Variants in KLK13 observed in about 807,000 individuals in gnomAD.
KLK13 encodes the protein kallikrein related peptidase 13.
In KLK13, 19 loss-of-function variants were observed where a neutral mutation model predicts 22.4. The observed-to-expected ratio is 0.85, with a 90% CI of 0.59 to 1.24. The LOEUF is 1.24. Among genes scored for constraint, KLK13 ranks in the 50% most tolerant of loss-of-function variants. The probability of loss-of-function intolerance (pLI) is 0.00; values close to 1 mark genes in which losing one functional copy is unlikely to be tolerated. For missense variants in KLK13, 311 were observed against 347.9 expected, an observed-to-expected ratio of 0.89 and a Z score of 0.84; for synonymous variants, 156 against 141.8, an observed-to-expected ratio of 1.10 and a Z score of -0.71.
chr19:51,060,166 T>G, intron 2 of KLK13, 73 bp from the exon 3 acceptor site: 1 of 1,557,852 alleles, frequency 6.4e-7, no homozygotes, highest in Non-Finnish European at 8.7e-7. Flanking sequence ...CCCCAACCTC[T>G]TCCCATCCCC....
Position 51,056,064 on chromosome 19 carries a change from A to T in KLK13, c.*523T>A, listed in dbSNP as rs978239577. ...GTGGTGAGTCACAGAGGTACACAGA[A>T]TGTTGTCAGGGCAGAAGATTGTGGG... On this transcript the variant is annotated 3_prime_UTR_variant, in exon 5 of 5. Coordinates refer to ENST00000595793, the MANE Select transcript of KLK13 (RefSeq NM_015596.3). 1 of 152,704 alleles carries T rather than the reference A, an allele frequency of 6.5e-6. No individual in the cohort carries two copies. Among genetic ancestry groups the T allele is most frequent in the African/African-American group, 2.4e-5 (1 of 41,452 alleles). 9.5% of individuals were successfully genotyped at this position (152,704 alleles called of 1,614,324 possible). A position where few individuals can be genotyped will look rare whatever the true frequency, so the allele number is the denominator to read the frequency against.
intron 3 of KLK13, 22 bp from the exon 4 acceptor site, chr19:51,058,696 T>A: frequency 6.2e-7 from 1 of 1,613,702 alleles, no homozygotes; most frequent in Non-Finnish European, 8.5e-7. Context: ...AAAGAGAAGG[T>A]CTAAGGTATC....
chr19:51,063,487 T>A (rs2091748300), intron 1 of KLK13: 1 of 353,788 alleles, frequency 2.8e-6, no homozygotes, highest in Admixed American at 3.8e-5. Flanking sequence ...TGATTAGGAT[T>A]CTGACTCAGG....
At position 51,063,146 on chromosome 19, in the gene KLK13, T is replaced by C. The variant is rs2091745833; in HGVS notation, c.52+1870A>G. On this transcript the variant is annotated intron_variant, in intron 1 of 4. Transcript: ENST00000595793. ...TCAAAGCCAGGAGGACACAGAAGCCTCATCAGGCCACCTAACATTTATTAC... is the reference window on the plus strand; with the variant it reads ...TCAAAGCCAGGAGGACACAGAAGCCCCATCAGGCCACCTAACATTTATTAC... 2.0e-5 allele frequency among the ~76,000 whole-genome samples: 3 copies of C among 152,178 alleles called. No individual in the cohort carries two copies. In the South Asian group the frequency reaches 6.2e-4, roughly 32 times the overall value.
chr19:51,063,614 G>C (rs1413726938), intron 1 of KLK13: 1 of 456,444 alleles, frequency 2.2e-6, no homozygotes, highest in South Asian at 1.5e-5. Context: ...ACTCCACAAG[G>C]CGTAGCGTGT....
At chr19:51,063,474 C>T in intron 1 of KLK13, 1 of 348,608 alleles carries the variant, frequency 2.9e-6, no homozygotes, top group South Asian at 2.2e-5. Flanking sequence ...GGGAAAACAA[C>T]CTTGATTAGG....
chr19:51,057,361 G>T (rs912532191), intron 4 of KLK13, among the ~76,000 whole-genome samples: 1 of 151,822 alleles, frequency 6.6e-6, no homozygotes, highest in African/African-American at 2.4e-5. Context: ...ATTGATGAAG[G>T]CTATTTTTTG....
At chr19:51,063,644 G>A (rs2122713739) in intron 1 of KLK13, 1 of 456,682 alleles carries the variant, frequency 2.2e-6, no homozygotes, top group East Asian at 7.0e-5. Context: ...AGCCTAGGGT[G>A]TGGCACTCAG....
intron 3 of KLK13, chr19:51,059,602 CTATT>C (rs1568588601): frequency 3.9e-6 from 1 of 258,144 alleles, no homozygotes; most frequent in Admixed American, 5.3e-5. Flanking sequence ...TATATTAGAT[CTATT>C]TATATTTCTA....
chr19:51,064,763 G>C (rs2091764744), intron 1 of KLK13: 2 of 642,732 alleles, frequency 3.1e-6, no homozygotes, highest in Non-Finnish European at 2.8e-6. Flanking sequence ...AGGACAGGAA[G>C]CCTTGAACGC....
At chr19:51,058,252 C>T (rs2122683332) in intron 4 of KLK13, among the ~76,000 whole-genome samples, 1 of 152,296 alleles carries the variant, frequency 6.6e-6, no homozygotes, top group South Asian at 2.1e-4. Flanking sequence ...TTTGTTTAAG[C>T]CAGTTTGAGT....
intron 1 of KLK13, 136 bp from the exon 2 acceptor site, chr19:51,060,755 T>A: frequency 1.6e-6 from 1 of 637,638 alleles, no homozygotes; most frequent in Non-Finnish European, 2.7e-6. Context: ...TTTGCCGACC[T>A]ATGGCAGTTG....
chr19:51,058,187 A>G (rs1162927196), intron 4 of KLK13, among the ~76,000 whole-genome samples: 2 of 152,190 alleles, frequency 1.3e-5, no homozygotes, highest in African/African-American at 2.4e-5. Context: ...GCATACCTGG[A>G]TCCATCTGTG....
At position 51,059,986 on chromosome 19, in the gene KLK13, G is replaced by A; in HGVS notation, c.347C>T (p.Pro116Leu). 6.2e-7 allele frequency: 1 copy of A among 1,613,586 alleles called. No individual in the cohort carries two copies. The highest frequency in any genetic ancestry group is 1.1e-5 in the South Asian group (1 of 91,080). ...SIPHPEYRRSPTHLNHDHDIM... is the reference protein window; with the variant it reads ...SIPHPEYRRSLTHLNHDHDIM... ...GTCATGGTCGTGGTTCAGGTGGGTGGGGCTTCTCCGGTATTCAGGGTGGGG... is the reference window on the plus strand; with the variant it reads ...GTCATGGTCGTGGTTCAGGTGGGTGAGGCTTCTCCGGTATTCAGGGTGGGG... The change falls in exon 3 of 5, where the codon CCC becomes CTC. Residue 116 changes from proline (P) to leucine (L), a missense_variant. Physicochemically the swap from Pro to Leu is moderately conservative, Grantham distance 98. Transcript: ENST00000595793.
intron 4 of KLK13, 70 bp from the exon 5 acceptor site, chr19:51,056,845 G>T: frequency 8.3e-7 from 1 of 1,208,898 alleles, no homozygotes; most frequent in Non-Finnish European, 1.2e-6. Flanking sequence ...GGACAGGGAG[G>T]TGTGGGGAGA....
chr19:51,058,433 G>A, intron 4 of KLK13, 105 bp downstream of exon 4: 1 of 1,342,882 alleles, frequency 7.4e-7, no homozygotes, highest in Non-Finnish European at 1.0e-6. Flanking sequence ...ATCTTATAAA[G>A]ATTGGTTCCC....
intron 3 of KLK13, 109 bp downstream of exon 3, chr19:51,059,716 T>C: frequency 1.4e-6 from 1 of 694,060 alleles, no homozygotes; most frequent in East Asian, 3.4e-5. Context: ...TATTTACTTA[T>C]TTATATTTTT....
chr19:51,056,856 G>T, intron 4 of KLK13, 81 bp from the exon 5 acceptor site: 1 of 1,064,684 alleles, frequency 9.4e-7, no homozygotes, highest in Non-Finnish European at 1.4e-6. Context: ...TGTGGGGAGA[G>T]AGTGAAAGAT....
chr19:51,060,363 C>T, intron 2 of KLK13, 70 bp downstream of exon 2: 1 of 1,469,198 alleles, frequency 6.8e-7, no homozygotes, highest in East Asian at 2.3e-5. Flanking sequence ...TCCTCAAATC[C>T]AACTCTACCC....
Sources: gnomAD v4.1 joint callset for allele counts (sites outside exome capture counted in the v4.1 genomes callset) on GRCh38, gnomAD v4.1.1 for gene constraint, MANE v1.5 for transcripts, NCBI Gene and HGNC (gene_info 2026-07-23, HGNC 2026-07-21) for gene names.